Variants in CUBN observed in about 807,000 individuals in gnomAD.
CUBN encodes the protein 460 kDa receptor.
Under a neutral mutation model 405.3 loss-of-function variants are expected in CUBN, and 282 were observed. The ratio of observed to expected loss-of-function variants is 0.70; its 90% CI spans 0.63 to 0.77. CUBN has a LOEUF of 0.77. CUBN is among the 30% of genes least tolerant of loss of function. The pLI is 0.00. For missense variants in CUBN, 4,514 were observed against 4,475.2 expected (o/e 1.01, Z -0.25); for synonymous variants, 1,684 against 1,617.0 (o/e 1.04, Z -0.99).
chr10:16,951,277 C>T (rs1411474858), intron 33 of CUBN, among the ~76,000 whole-genome samples: 1 of 152,178 alleles, frequency 6.6e-6, no homozygotes, highest in African/African-American at 2.4e-5. Flanking sequence ...ATGACATCAT[C>T]GGCTGCCACA....
chr10:17,111,786 TG>T (rs1836777817), intron 8 of CUBN, among the ~76,000 whole-genome samples: 1 of 152,168 alleles, frequency 6.6e-6, no homozygotes. Context: ...CAGCTGGATG[TG>T]GTGGTTCACG....
intron 38 of CUBN, among the ~76,000 whole-genome samples, chr10:16,938,062 T>G (rs1251767393): frequency 6.6e-6 from 1 of 152,062 alleles, no homozygotes; most frequent in African/African-American, 2.4e-5. Flanking sequence ...TACAGTAAAA[T>G]TTGTGGATGG....
At chr10:16,922,069 A>G (rs1461997116) in intron 43 of CUBN, among the ~76,000 whole-genome samples, 2 of 152,066 alleles carry the variant, frequency 1.3e-5, no homozygotes, top group Admixed American at 6.6e-5. Context: ...ACCATATGGC[A>G]TATTATATAT....
At chr10:16,855,064 T>C (rs1220445419) in intron 59 of CUBN, among the ~76,000 whole-genome samples, 6 of 60,558 alleles carry the variant, frequency 9.9e-5, no homozygotes, top group African/African-American at 2.7e-4. Flanking sequence ...CCTCCCCTCC[T>C]CTCTCCTCCC....
At chr10:16,984,412 T>A in intron 29 of CUBN, 133 bp from the exon 30 acceptor site, 2 of 885,054 alleles carry the variant, frequency 2.3e-6, no homozygotes, top group Non-Finnish European at 3.6e-6. Context: ...CCTCCCTGGG[T>A]GGGGATGCAC....
rs189708820 is a variant in CUBN at position 17,033,565 on chromosome 10, C to T, written c.4017+7468G>A. ...CAGCCTGAGGAAATACCACAGCAAA[C>T]GCAAAACAAAACAACAAACCCTGCT... On this transcript the variant is annotated intron_variant, in intron 27 of 66. Transcript: ENST00000377833. Among the ~76,000 whole-genome samples, 7 of 152,278 alleles carry T rather than the reference C, an allele frequency of 4.6e-5. No homozygotes were observed. The East Asian group carries it at 5.8e-4, about 13-fold the overall frequency.
intron 28 of CUBN, among the ~76,000 whole-genome samples, chr10:17,011,751 AC>A (rs767884090): frequency 2.7e-4 from 41 of 152,160 alleles, no homozygotes; most frequent in Non-Finnish European, 5.3e-4. Flanking sequence ...CGGTGCGTTT[AC>A]AAACCTTTAG....
At chr10:16,865,859 C>T (rs1840169230) in intron 59 of CUBN, among the ~76,000 whole-genome samples, 1 of 152,160 alleles carries the variant, frequency 6.6e-6, no homozygotes, top group Non-Finnish European at 1.5e-5. Context: ...ACCGCTCACT[C>T]TTTGGGTCCA....
intron 56 of CUBN, among the ~76,000 whole-genome samples, chr10:16,882,672 G>A (rs1564401565): frequency 6.6e-6 from 1 of 152,156 alleles, no homozygotes; most frequent in Non-Finnish European, 1.5e-5. Flanking sequence ...CCTTTGTTTG[G>A]GATATTTCCA....
chr10:16,925,122 C>T (rs1212707052), intron 43 of CUBN, 119 bp downstream of exon 43: 1 of 745,474 alleles, frequency 1.3e-6, no homozygotes, highest in African/African-American at 1.8e-5. Flanking sequence ...ATAATAAGTA[C>T]TTGAGAGTAG....
At chr10:17,115,040 T>C (rs1041769971) in intron 7 of CUBN, among the ~76,000 whole-genome samples, 1 of 152,048 alleles carries the variant, frequency 6.6e-6, no homozygotes, top group Admixed American at 6.5e-5. Context: ...GGTCAGGAGT[T>C]CGAGATCATC....
chr10:17,068,995 C>G (rs1472504584), intron 19 of CUBN, among the ~76,000 whole-genome samples: 1 of 152,136 alleles, frequency 6.6e-6, no homozygotes, highest in Non-Finnish European at 1.5e-5. Context: ...TACTTTCTGT[C>G]TCTGTAGATT....
chr10:16,970,571 C>A (rs981502375), intron 31 of CUBN, among the ~76,000 whole-genome samples: 3 of 82,880 alleles, frequency 3.6e-5, no homozygotes, highest in Non-Finnish European at 5.0e-5. Context: ...AGTGAAACTC[C>A]ATCTCAAAAA....
intron 34 of CUBN, among the ~76,000 whole-genome samples, chr10:16,949,603 C>CT (rs200038448): frequency 4.0e-5 from 6 of 150,002 alleles, no homozygotes; most frequent in South Asian, 2.1e-4. Flanking sequence ...TAATTAAGTG[C>CT]TTTTTTTTTC....
In CUBN at chr10:17,045,133, C is replaced by A. The variant is rs369417721; in HGVS notation, c.3546G>T (p.Pro1182=). Residue 1182 remains proline, a synonymous_variant, in exon 25 of 67, where the codon CCG becomes CCT. Transcript: ENST00000377833. ...ATTCAGAGCTGTGGTAATAGGGCAT[C>A]GGGTAGTTGGGAGATATGAACGTGC... The part of the protein sequence containing the change: ...SSGTFISPNY[P]MPYYHSSECY... 3.1e-6 allele frequency: 5 copies of A among 1,613,908 alleles called. No individual in the cohort carries two copies. Among genetic ancestry groups the A allele is most frequent in the Non-Finnish European group, 4.2e-6 (5 of 1,179,984 alleles).
At chr10:17,017,501 C>A (rs938323193) in intron 28 of CUBN, among the ~76,000 whole-genome samples, 1 of 152,124 alleles carries the variant, frequency 6.6e-6, no homozygotes, top group Non-Finnish European at 1.5e-5. Flanking sequence ...AAGCAGAGGG[C>A]CATATCCTGA....
At chr10:17,015,051 G>C (rs1230777808) in intron 28 of CUBN, among the ~76,000 whole-genome samples, 1 of 152,240 alleles carries the variant, frequency 6.6e-6, no homozygotes, top group Non-Finnish European at 1.5e-5. Flanking sequence ...TCCTGCACTA[G>C]TCTCCAATGA....
chr10:17,060,180 G>A (rs1161298005), intron 22 of CUBN, among the ~76,000 whole-genome samples: 6 of 151,648 alleles, frequency 4.0e-5, no homozygotes, highest in African/African-American at 1.5e-4. Flanking sequence ...GGAGTGCAGT[G>A]GTGCGATTTT....
chr10:16,967,522 G>A (rs1843425318), intron 31 of CUBN, among the ~76,000 whole-genome samples: 2 of 152,158 alleles, frequency 1.3e-5, no homozygotes, highest in Non-Finnish European at 2.9e-5. Context: ...GCATTTGGTT[G>A]TTAATAAGAC....
Sources: gnomAD v4.1 joint callset for allele counts (sites outside exome capture counted in the v4.1 genomes callset) on GRCh38, gnomAD v4.1.1 for gene constraint, MANE v1.5 for transcripts, NCBI Gene and HGNC (gene_info 2026-07-23, HGNC 2026-07-21) for gene names.